SORCS1: variants seen among roughly 807,000 people sequenced by gnomAD.
The protein encoded by SORCS1 is VPS10 domain-containing receptor SorCS1.
A neutral mutation model predicts 146.1 loss-of-function variants in SORCS1; 60 were observed. The observed-to-expected ratio is 0.41, with a 90% CI of 0.33 to 0.51. The LOEUF is 0.51. Ranked by LOEUF, SORCS1 falls within the 20% of genes least tolerant of loss-of-function variation. The pLI is 0.21. For synonymous variants in SORCS1, 637 were observed against 584.0 expected (o/e 1.09, Z -1.31); for missense variants, 1,352 against 1,487.6 (o/e 0.91, Z 1.50).
chr10:106,761,844 A>G (rs184778831), intron 4 of SORCS1, among the ~76,000 whole-genome samples, 183 bp from the exon 5 acceptor site: 1 of 152,348 alleles, frequency 6.6e-6, no homozygotes, highest in East Asian at 1.9e-4. Flanking sequence ...AAGTCAGACT[A>G]ATATCATCAT....
At chr10:106,878,634 A>ATG (rs1950689404) in intron 2 of SORCS1, among the ~76,000 whole-genome samples, 1 of 135,506 alleles carries the variant, frequency 7.4e-6, no homozygotes. Flanking sequence ...ATATATATAT[A>ATG]TATATATATA....
At chr10:106,646,890 T>C (rs889647383) in intron 18 of SORCS1, among the ~76,000 whole-genome samples, 4 of 151,028 alleles carry the variant, frequency 2.6e-5, no homozygotes. Flanking sequence ...ATAAAGTGGG[T>C]GGGTGTGTGT....
chr10:106,977,776 C>G (rs1413489145), intron 1 of SORCS1, among the ~76,000 whole-genome samples: 1 of 152,102 alleles, frequency 6.6e-6, no homozygotes, highest in Non-Finnish European at 1.5e-5. Flanking sequence ...ATTATTTGTG[C>G]TGGAATACCA....
chr10:107,064,558 T>A (rs764296850), intron 1 of SORCS1, among the ~76,000 whole-genome samples: 2 of 152,214 alleles, frequency 1.3e-5, no homozygotes, highest in Non-Finnish European at 2.9e-5. Flanking sequence ...TAGGCAATCT[T>A]GTATACTGAC....
At chr10:106,687,397 A>C (rs1275786487) in intron 10 of SORCS1, among the ~76,000 whole-genome samples, 1 of 152,222 alleles carries the variant, frequency 6.6e-6, no homozygotes, top group East Asian at 1.9e-4. Flanking sequence ...ACTTTAAAGT[A>C]GGGGTCAGCA....
chr10:107,161,585 T>C (rs1969707122), intron 1 of SORCS1, among the ~76,000 whole-genome samples: 2 of 151,876 alleles, frequency 1.3e-5, no homozygotes, highest in South Asian at 4.1e-4. Flanking sequence ...ACTTTAGAGA[T>C]GAAAAAATCC....
chr10:106,849,046 A>T (rs1171124816), intron 2 of SORCS1, among the ~76,000 whole-genome samples: 4 of 147,680 alleles, frequency 2.7e-5, no homozygotes, highest in African/African-American at 7.4e-5. Flanking sequence ...ACTTTGGTGA[A>T]TCTGACAATT....
rs377619822 is a variant in SORCS1, at chr10:106,679,276, C to A, written c.1720G>T (p.Ala574Ser). ...TDISMFVSSD[A>S]GNTWRQIFEE... ...CTTACCTGTCTCCAGGTGTTCCCTG[C>A]ATCTGAAGAGACAAACATGCTGATG... The change falls in exon 12 of 26, where the codon GCA becomes TCA. Residue 574 changes from alanine (A) to serine (S), a missense_variant. Ala to Ser is a moderately conservative substitution (Grantham distance 99). This residue lies in a region of SORCS1 where 648 missense variants were observed against 793.8 expected (regional missense o/e 0.82). Coordinates refer to ENST00000263054, the MANE Select transcript of SORCS1 (RefSeq NM_052918.5). 6.2e-7 allele frequency: 1 copy of A among 1,613,214 alleles called. No individual in the cohort carries two copies.
intron 1 of SORCS1, among the ~76,000 whole-genome samples, chr10:107,111,053 CAG>C (rs772890337): frequency 1.8e-4 from 27 of 152,180 alleles, no homozygotes; most frequent in African/African-American, 2.7e-4. Flanking sequence ...CCCATCAGCT[CAG>C]AGTCTCAACA....
At position 106,746,648 on chromosome 10, in the gene SORCS1, T is replaced by G. The variant is rs143676548; in HGVS notation, c.959+14940A>C. 1.8e-3 allele frequency among the ~76,000 whole-genome samples: 279 copies of G among 152,318 alleles called. 2 individuals carry two copies. Among genetic ancestry groups the G allele is most frequent in the African/African-American group, 6.4e-3 (267 of 41,574 alleles). On this transcript the variant is annotated intron_variant, in intron 5 of 25. Coordinates refer to ENST00000263054, the MANE Select transcript of SORCS1 (RefSeq NM_052918.5). ...GCTCTTATTTCTGGGATGTTTTTAT[T>G]TTTGATTTATTCATAAGTAGAAAAC...
In SORCS1 at chr10:106,671,458, T is replaced by A. The variant is rs1851596885; in HGVS notation, c.2059-91A>T. ...TGACATTTAGGGAGACATTTGCACA[T>A]CTTAGTGTAATGTAAACTTTGGTAG... is the stretch of plus-strand genomic sequence containing the variant. On this transcript the variant is annotated intron_variant, in intron 15 of 25. Transcript: ENST00000263054. 1.9e-6 allele frequency: 3 copies of A among 1,545,470 alleles called. No individual in the cohort carries two copies. In the African/African-American group the frequency reaches 4.1e-5, roughly 21 times the overall value.
intron 1 of SORCS1, among the ~76,000 whole-genome samples, chr10:107,019,097 G>A (rs1361888106): frequency 6.6e-6 from 1 of 152,156 alleles, no homozygotes; most frequent in East Asian, 1.9e-4. Context: ...GATTACACTT[G>A]TGAACTGTTT....
At chr10:106,938,479 G>A (rs1202594431) in intron 2 of SORCS1, among the ~76,000 whole-genome samples, 1 of 152,226 alleles carries the variant, frequency 6.6e-6, no homozygotes, top group Non-Finnish European at 1.5e-5. Context: ...ACGCTAGCTA[G>A]TATAGCTAAG....
chr10:106,994,063 C>CAAAAAAAAAA (rs67408221), intron 1 of SORCS1, among the ~76,000 whole-genome samples: 6 of 80,812 alleles, frequency 7.4e-5, no homozygotes, highest in African/African-American at 1.1e-4. Flanking sequence ...GACCCCATCT[C>CAAAAAAAAAA]AAAAAAAAAA....
At chr10:107,114,430 T>C (rs1017729868) in intron 1 of SORCS1, among the ~76,000 whole-genome samples, 5 of 152,116 alleles carry the variant, frequency 3.3e-5, no homozygotes, top group Admixed American at 1.3e-4. Context: ...TCATACACCA[T>C]GTCAAATCAG....
chr10:106,843,944 G>T (rs990436568), intron 2 of SORCS1, among the ~76,000 whole-genome samples: 5 of 152,096 alleles, frequency 3.3e-5, no homozygotes, highest in African/African-American at 1.2e-4. Context: ...GATCTATATG[G>T]AGCATATTTA....
At chr10:106,931,596 T>C (rs1953421623) in intron 2 of SORCS1, among the ~76,000 whole-genome samples, 1 of 152,214 alleles carries the variant, frequency 6.6e-6, no homozygotes, top group Non-Finnish European at 1.5e-5. Context: ...AGAGAGCCAC[T>C]AGCTCAGAGG....
chr10:107,179,143 G>C, the SORCS1 span, among the ~76,000 whole-genome samples: 5 of 152,026 alleles, frequency 3.3e-5, no homozygotes, highest in Non-Finnish European at 7.4e-5. Flanking sequence ...GTGTCTTTTT[G>C]ATAATAGCCA....
intron 9 of SORCS1, among the ~76,000 whole-genome samples, chr10:106,695,656 C>G (rs183865554): frequency 1.3e-5 from 2 of 152,138 alleles, no homozygotes; most frequent in South Asian, 2.1e-4. Context: ...TTACACCATG[C>G]CTGGCATAAA....
Sources: gnomAD v4.1 joint callset for allele counts (sites outside exome capture counted in the v4.1 genomes callset) on GRCh38, gnomAD v4.1.1 for gene constraint, gnomAD v4.1.1 regional missense constraint, MANE v1.5 for transcripts, NCBI Gene and HGNC (gene_info 2026-07-23, HGNC 2026-07-21) for gene names.